The following PCDHGB5 variants were observed in gnomAD, a reference collection of about 807,000 sequenced individuals.
PCDHGB5 encodes protocadherin gamma-B5.
Under a neutral mutation model 62.9 loss-of-function variants are expected in PCDHGB5, and 48 were observed. The observed-to-expected ratio is 0.76, with a 90% CI of 0.61 to 0.97. The LOEUF (loss-of-function observed/expected upper bound fraction) is 0.97. Ranked by LOEUF, PCDHGB5 falls within the 50% of genes least tolerant of loss-of-function variation. The pLI, the probability that PCDHGB5 is intolerant of heterozygous loss-of-function variation, is 0.00. For missense variants in PCDHGB5, 1,118 were observed against 1,198.6 expected (o/e 0.93, Z 0.99); for synonymous variants, 474 against 511.2 (o/e 0.93, Z 0.98).
chr5:141,448,439 C>T (rs182359185), intron 1 of PCDHGB5, among the ~76,000 whole-genome samples: 7 of 152,232 alleles, frequency 4.6e-5, no homozygotes, highest in Admixed American at 4.6e-4. Context: ...ATTGAGAAGT[C>T]TGACTTCCAT....
At chr5:141,424,016 T>G in intron 1 of PCDHGB5, 16 of 1,038,360 alleles carry the variant, frequency 1.5e-5, no homozygotes, top group Non-Finnish European at 1.3e-5. Context: ...AAATTAATGA[T>G]TCACAAACAC....
chr5:141,494,386 T>G (rs2099753905), intron 1 of PCDHGB5, among the ~76,000 whole-genome samples: 1 of 152,198 alleles, frequency 6.6e-6, no homozygotes, highest in African/African-American at 2.4e-5. Context: ...GCTGAGGAGT[T>G]GAATAAATTC....
chr5:141,489,696 C>T lies in PCDHGB5; in HGVS notation c.2398-5111C>T. On this transcript the variant is annotated intron_variant, in intron 1 of 3. Transcript: ENST00000617380. This position sits in a 1 kb window ranked among gnomAD's most constrained non-coding sequence, Gnocchi z 4.5. ...AATCAGCAGCATCTGGGGCACGATT[C>T]CCACTGGACAGTGCCCAGGATCCGG... 6.2e-7 allele frequency: 1 copy of T among 1,614,170 alleles called. No homozygotes were observed. Among genetic ancestry groups the T allele is most frequent in the Non-Finnish European group, 8.5e-7 (1 of 1,180,002 alleles).
chr5:141,408,878 G>A lies in PCDHGB5; in HGVS notation c.2397+8354G>A. The stretch of plus-strand genomic sequence containing the variant: ...AGGGGACCCACCAAGAAGTGCCACC[G>A]CTCACATAGAAATTTCTGTCAAGGA... On this transcript the variant is annotated intron_variant, in intron 1 of 3. Coordinates refer to ENST00000617380, the MANE Select transcript of PCDHGB5 (RefSeq NM_018925.3). 1.9e-6 allele frequency: 3 copies of A among 1,613,048 alleles called. No homozygotes were observed. Among genetic ancestry groups the A allele is most frequent in the Non-Finnish European group, 1.7e-6 (2 of 1,179,590 alleles).
In PCDHGB5 at chr5:141,511,259, A is replaced by G; in HGVS notation, c.*86A>G. On this transcript the variant is annotated 3_prime_UTR_variant, in exon 4 of 4. Transcript: ENST00000617380. ...ACCTGCACCCAGGCCTCAGAGTTTCAGGGCTAACCCCCAGAATACTGGTAG... is the reference window on the plus strand; with the variant it reads ...ACCTGCACCCAGGCCTCAGAGTTTCGGGGCTAACCCCCAGAATACTGGTAG... 1.3e-6 allele frequency: 2 copies of G among 1,559,840 alleles called. No individual in the cohort carries two copies. The highest frequency in any genetic ancestry group is 1.7e-6 in the Non-Finnish European group (2 of 1,152,466).
Position 141,477,749 on chromosome 5 carries a change from C to T in PCDHGB5, c.2398-17058C>T. The stretch of plus-strand genomic sequence containing the variant: ...AGCTCATATCAGCGATGGGGGCACC[C>T]CGGTCCTAGCCACCAACATCAGCGT... On this transcript the variant is annotated intron_variant, in intron 1 of 3. Transcript: ENST00000617380. The surrounding 1 kb of genome is among the most constrained non-coding windows in gnomAD (Gnocchi z 4.9). 1 of 1,613,904 alleles carries T rather than the reference C, an allele frequency of 6.2e-7. No homozygotes were observed. Among genetic ancestry groups the T allele is most frequent in the Non-Finnish European group, 8.5e-7 (1 of 1,180,030 alleles).
rs767337670 is a variant in PCDHGB5 at position 141,433,083 on chromosome 5, A to G, written c.2397+32559A>G. 8.1e-6 allele frequency: 13 copies of G among 1,614,174 alleles called. 1 individual carries two copies. Among genetic ancestry groups the G allele is most frequent in the Non-Finnish European group, 9.3e-6 (11 of 1,180,024 alleles). ...CACCTGATCTTCCCCCAGCCCAACT[A>G]TGCAGACATGCTCGTCAGCCAGGAG... On this transcript the variant is annotated intron_variant, in intron 1 of 3. Coordinates refer to ENST00000617380, the MANE Select transcript of PCDHGB5 (RefSeq NM_018925.3).
rs764586891 is a variant in PCDHGB5, at chr5:141,477,616, A to G, written c.2398-17191A>G. On this transcript the variant is annotated intron_variant, in intron 1 of 3. Coordinates refer to ENST00000617380, the MANE Select transcript of PCDHGB5 (RefSeq NM_018925.3). This position sits in a 1 kb window ranked among gnomAD's most constrained non-coding sequence, Gnocchi z 4.9. ...TTTCTTTCTTTCTCTTGGAGCAAGGAGCTGAAACCGGGCTAGTGGGTCGCT... is the reference window on the plus strand; with the variant it reads ...TTTCTTTCTTTCTCTTGGAGCAAGGGGCTGAAACCGGGCTAGTGGGTCGCT... The G allele has an allele frequency of 1.2e-6, 2 of 1,614,068 alleles. No individual in the cohort carries two copies. Among genetic ancestry groups the G allele is most frequent in the African/African-American group, 2.7e-5 (2 of 74,924 alleles).
chr5:141,421,338 A>G (rs560707757), intron 1 of PCDHGB5: 2 of 1,613,966 alleles, frequency 1.2e-6, no homozygotes, highest in Non-Finnish European at 1.7e-6. Context: ...ATTCGGTGCC[A>G]GAAGAGACCG....
intron 1 of PCDHGB5, chr5:141,422,019 G>C: frequency 6.2e-7 from 1 of 1,610,862 alleles, no homozygotes; most frequent in Non-Finnish European, 8.5e-7. Context: ...GGGTGCTGAT[G>C]GTTAATGCAA....
chr5:141,438,581 TAC>T (rs2097976954), intron 1 of PCDHGB5, among the ~76,000 whole-genome samples: 6 of 49,834 alleles, frequency 1.2e-4, no homozygotes, highest in African/African-American at 7.2e-4. Flanking sequence ...TATACATACA[TAC>T]ATACATACAT....
At chr5:141,430,911 A>T (rs544678317) in intron 1 of PCDHGB5, 4 of 1,607,840 alleles carry the variant, frequency 2.5e-6, no homozygotes, top group Non-Finnish European at 3.4e-6. Context: ...ATCTCCAGGG[A>T]CCTGGGGCTG....
At chr5:141,458,434 G>T (rs535464730) in intron 1 of PCDHGB5, among the ~76,000 whole-genome samples, 1 of 152,198 alleles carries the variant, frequency 6.6e-6, no homozygotes, top group African/African-American at 2.4e-5. Context: ...GAAAGAGGAG[G>T]TCCCCCACAT....
chr5:141,438,806 C>T (rs866521707), intron 1 of PCDHGB5, among the ~76,000 whole-genome samples: 20 of 149,390 alleles, frequency 1.3e-4, no homozygotes, highest in Admixed American at 6.7e-4. Flanking sequence ...GGATTACAGG[C>T]GCCTGTCACC....
At chr5:141,403,452 T>C (rs1482278011) in intron 1 of PCDHGB5, 15 of 1,613,988 alleles carry the variant, frequency 9.3e-6, no homozygotes, top group Non-Finnish European at 1.3e-5. Flanking sequence ...GTGAACTCCC[T>C]CCAGAGCTAC....
intron 1 of PCDHGB5, among the ~76,000 whole-genome samples, chr5:141,455,460 A>G (rs1175234914): frequency 1.3e-5 from 2 of 152,186 alleles, no homozygotes; most frequent in Non-Finnish European, 2.9e-5. Flanking sequence ...GATACCAGCC[A>G]GGTATATATG....
At chr5:141,495,437 C>T (rs2099761356) in intron 2 of PCDHGB5, among the ~76,000 whole-genome samples, 1 of 152,178 alleles carries the variant, frequency 6.6e-6, no homozygotes, top group East Asian at 1.9e-4. Flanking sequence ...GTCCTCTGCC[C>T]CTACTTGTCC....
intron 1 of PCDHGB5, chr5:141,413,532 A>C (rs1269070438): frequency 9.9e-6 from 16 of 1,613,788 alleles, no homozygotes; most frequent in Non-Finnish European, 1.2e-5. Context: ...ACAGGGTGAA[A>C]CTTTTTGGGA....
At chr5:141,460,981 GTGTATATA>G (rs1342006423) in intron 1 of PCDHGB5, among the ~76,000 whole-genome samples, 30 of 121,890 alleles carry the variant, frequency 2.5e-4, no homozygotes, top group African/African-American at 5.8e-4. Flanking sequence ...GTGTGTGTGT[GTGTATATA>G]TATATATGTG....
Sources: allele counts gnomAD v4.1 joint callset (sites outside exome capture counted in the v4.1 genomes callset), GRCh38; gene constraint gnomAD v4.1.1; non-coding constraint Gnocchi (gnomAD v3.1); transcripts MANE v1.5; gene names NCBI Gene and HGNC (gene_info 2026-07-23, HGNC 2026-07-21).